The following CLSTN1 variants were observed in gnomAD, a reference collection of about 807,000 sequenced individuals.
CLSTN1 encodes the protein calsyntenin 1.
CLSTN1 carries 28 observed loss-of-function variants against 108.3 expected under a neutral mutation model. That is an observed-to-expected ratio of 0.26 (90% CI 0.19 to 0.35). The LOEUF (loss-of-function observed/expected upper bound fraction) is 0.35. Among genes scored for constraint, CLSTN1 ranks in the 10% least tolerant of loss-of-function variants. CLSTN1 has a pLI of 1.00. For synonymous variants in CLSTN1, 524 were observed against 534.9 expected, an observed-to-expected ratio of 0.98 and a Z score of 0.28; for missense variants, 1,157 against 1,302.6, an observed-to-expected ratio of 0.89 and a Z score of 1.72.
chr1:9,813,916 G>A (rs1017110988), intron 1 of CLSTN1, among the ~76,000 whole-genome samples: 3 of 151,696 alleles, frequency 2.0e-5, no homozygotes, highest in African/African-American at 7.3e-5. Flanking sequence ...TGGCTAACAC[G>A]ATGAAACCCT....
intron 1 of CLSTN1, among the ~76,000 whole-genome samples, chr1:9,802,629 T>G (rs1442008820): frequency 6.6e-6 from 1 of 152,084 alleles, no homozygotes; most frequent in South Asian, 2.1e-4. Flanking sequence ...GAAACAGGGT[T>G]AAAGACACCC....
At chr1:9,822,910 C>T (rs1003457196) in intron 1 of CLSTN1, among the ~76,000 whole-genome samples, 3 of 152,186 alleles carry the variant, frequency 2.0e-5, no homozygotes, top group East Asian at 1.9e-4. Context: ...AGCACCAAGG[C>T]ACCAGGGGTA....
rs1288169045 is a variant in CLSTN1 at position 9,776,807 on chromosome 1, TATCTATCAGCATTTATCTATC to T, written c.92-3434_92-3414del. ...ACCTATCTCTATCTATCTATCTATC[TATCTATCAGCATTTATCTATC>T]ATCTATCAGCATTTATCTATCATCT... On this transcript the variant is annotated intron_variant, in intron 1 of 18. Transcript: ENST00000377298. Among the ~76,000 whole-genome samples, 21 of 145,248 alleles carry T rather than the reference TATCTATCAGCATTTATCTATC, an allele frequency of 1.4e-4. No individual in the cohort carries two copies. In the South Asian group the frequency reaches 2.5e-3, roughly 17 times the overall value.
intron 8 of CLSTN1, 66 bp downstream of exon 8, chr1:9,744,329 C>A: frequency 6.5e-7 from 1 of 1,536,616 alleles, no homozygotes; most frequent in Non-Finnish European, 8.7e-7. Context: ...GGAGAGGGAG[C>A]CTGCCGCTGG....
rs117521394 is a variant in CLSTN1 at position 9,783,593 on chromosome 1, C to T, written c.92-10199G>A. ...AAATTAGGCCAGGCACAGTGTCTCGCGCCTGTAATTCCAGCACTTTGGGAG... is the reference window on the plus strand; with the variant it reads ...AAATTAGGCCAGGCACAGTGTCTCGTGCCTGTAATTCCAGCACTTTGGGAG... On this transcript the variant is annotated intron_variant, in intron 1 of 18. Transcript: ENST00000377298. 4.3e-3 allele frequency among the ~76,000 whole-genome samples: 660 copies of T among 152,010 alleles called. 12 individuals are homozygous for T. The highest frequency in any genetic ancestry group is 0.043 in the East Asian group (220 of 5,160).
At chr1:9,736,813 C>T (rs1053968914) in intron 11 of CLSTN1, among the ~76,000 whole-genome samples, 1 of 152,176 alleles carries the variant, frequency 6.6e-6, no homozygotes, top group African/African-American at 2.4e-5. Flanking sequence ...GTGGCTCACG[C>T]CTGTAATCCC....
At position 9,734,016 on chromosome 1, in the gene CLSTN1, T is replaced by C. The variant is rs771283334; in HGVS notation, c.2237A>G (p.Lys746Arg). 2 of 1,614,058 alleles carry C rather than the reference T, an allele frequency of 1.2e-6. No individual in the cohort carries two copies. The highest frequency in any genetic ancestry group is 2.7e-5 in the African/African-American group (2 of 74,930). The part of the protein sequence containing the change: ...LEVDMARLQQ[K>R]GIEVSSSELG... Reference sequence around the variant, plus strand: ...TTCAGAGCTGCTCACTTCAATGCCCTTCTGCTGCAGGCGGGCCATGTCCAC... The same window carrying C: ...TTCAGAGCTGCTCACTTCAATGCCCCTCTGCTGCAGGCGGGCCATGTCCAC... The change falls in exon 15 of 19, where the codon AAG becomes AGG. Residue 746 changes from lysine (K) to arginine (R), a missense_variant. Physicochemically the swap from Lys to Arg is conservative, Grantham distance 26. Transcript: ENST00000377298. This position sits in a 1 kb window ranked among gnomAD's most constrained non-coding sequence, Gnocchi z 4.8.
At chr1:9,780,987 T>C (rs766250177) in intron 1 of CLSTN1, 19 of 473,850 alleles carry the variant, frequency 4.0e-5, no homozygotes, top group Non-Finnish European at 5.6e-5. Context: ...TGTGGTGTCA[T>C]GTCGGTGCTT....
rs184945712 is a variant in CLSTN1 at position 9,815,933 on chromosome 1, C to T, written c.91+7710G>A. 7.2e-5 allele frequency among the ~76,000 whole-genome samples: 11 copies of T among 152,112 alleles called. No homozygotes were observed. In the East Asian group the frequency reaches 2.1e-3, roughly 29 times the overall value. ...CCTGGGTGACAGAGTGAGACTCTAC[C>T]TCAAAAAAAAATTTTTTTAATTTAA... On this transcript the variant is annotated intron_variant, in intron 1 of 18. Transcript: ENST00000377298.
intron 4 of CLSTN1, among the ~76,000 whole-genome samples, chr1:9,752,403 G>A (rs1651597496): frequency 1.3e-5 from 2 of 152,140 alleles, no homozygotes; most frequent in Non-Finnish European, 2.9e-5. Flanking sequence ...CCTTTTCAAG[G>A]GAAACAATAA....
At chr1:9,733,646 G>C (rs1650526510) in intron 15 of CLSTN1, 100 bp from the exon 16 acceptor site, 7 of 1,427,760 alleles carry the variant, frequency 4.9e-6, no homozygotes, top group Non-Finnish European at 5.8e-6. Flanking sequence ...AGACACCCAG[G>C]TTAGCTAGGC....
At chr1:9,761,517 A>T (rs892660794) in intron 2 of CLSTN1, among the ~76,000 whole-genome samples, 12 of 150,932 alleles carry the variant, frequency 8.0e-5, no homozygotes, top group African/African-American at 2.2e-4. Flanking sequence ...TTTTTTAAAA[A>T]TTTTTTTAAG....
rs750298682 is a variant in CLSTN1, at chr1:9,741,210, G to A, written c.1403C>T (p.Pro468Leu). Residue 468 changes from proline (P) to leucine (L), a missense_variant, in exon 10 of 19, where the codon CCG becomes CTG. Physicochemically the swap from Pro to Leu is moderately conservative, Grantham distance 98. Coordinates refer to ENST00000377298, the MANE Select transcript of CLSTN1 (RefSeq NM_001009566.3). ...WHHYVLNVEF[P>L]SVTLYVDGTS... The stretch of plus-strand genomic sequence containing the variant: ...GCCATCCACATAGAGAGTCACACTC[G>A]GGAATTCTACATTGAGGACGTAGTG... 1.5e-5 allele frequency: 24 copies of A among 1,613,990 alleles called. No individual in the cohort carries two copies. The highest frequency in any genetic ancestry group is 2.2e-5 in the South Asian group (2 of 91,080).
intron 1 of CLSTN1, among the ~76,000 whole-genome samples, chr1:9,779,599 G>GT (rs1202512773): frequency 6.6e-6 from 1 of 151,924 alleles, no homozygotes. Context: ...AAAAAAAAAA[G>GT]TTTTTTTAGT....
At chr1:9,785,430 A>C (rs1653441535) in intron 1 of CLSTN1, among the ~76,000 whole-genome samples, 1 of 152,174 alleles carries the variant, frequency 6.6e-6, no homozygotes, top group Non-Finnish European at 1.5e-5. Flanking sequence ...CTAAATTTTA[A>C]AGGGCTGATT....
intron 1 of CLSTN1, among the ~76,000 whole-genome samples, chr1:9,785,718 T>C (rs1446460268): frequency 6.6e-6 from 1 of 151,974 alleles, no homozygotes; most frequent in Non-Finnish European, 1.5e-5. Context: ...GGAAAACCAA[T>C]GATGTCTACA....
At chr1:9,752,518 T>C (rs1651602653) in intron 4 of CLSTN1, among the ~76,000 whole-genome samples, 1 of 152,192 alleles carries the variant, frequency 6.6e-6, no homozygotes, top group African/African-American at 2.4e-5. Flanking sequence ...CACAATGGGT[T>C]ATGTGACACC....
chr1:9,735,363 CGAT>C, intron 13 of CLSTN1, 101 bp downstream of exon 13: 1 of 1,511,428 alleles, frequency 6.6e-7, no homozygotes, highest in East Asian at 2.3e-5. Flanking sequence ...TGGTTACACA[CGAT>C]GGCTCACCTT....
intron 8 of CLSTN1, 67 bp downstream of exon 8, chr1:9,744,328 G>A: frequency 4.6e-6 from 7 of 1,536,360 alleles, no homozygotes; most frequent in Non-Finnish European, 6.1e-6. Context: ...AGGAGAGGGA[G>A]CCTGCCGCTG....
Sources: gnomAD v4.1 joint callset for allele counts (sites outside exome capture counted in the v4.1 genomes callset) on GRCh38, gnomAD v4.1.1 for gene constraint, Gnocchi (gnomAD v3.1) non-coding constraint, MANE v1.5 for transcripts, NCBI Gene and HGNC (gene_info 2026-07-23, HGNC 2026-07-21) for gene names.